The following SBF2 variants were observed in gnomAD, a reference collection of about 807,000 sequenced individuals.
The protein encoded by SBF2 is myotubularin-related protein 13.
A neutral mutation model predicts 225.2 loss-of-function variants in SBF2; 112 were observed. The observed-to-expected ratio is 0.50, with a 90% CI of 0.43 to 0.58. SBF2 has a LOEUF of 0.58. Ranked by LOEUF, SBF2 falls within the 20% of genes least tolerant of loss-of-function variation. The probability of loss-of-function intolerance (pLI) is 0.00; values close to 1 mark genes in which losing one functional copy is unlikely to be tolerated. For synonymous variants in SBF2, 763 were observed against 773.3 expected (o/e 0.99, Z 0.22); for missense variants, 1,996 against 2,206.2 (o/e 0.90, Z 1.91).
chr11:10,130,623 C>A (rs1953996595), intron 2 of SBF2, among the ~76,000 whole-genome samples: 1 of 152,050 alleles, frequency 6.6e-6, no homozygotes, highest in African/African-American at 2.4e-5. Context: ...TAATCACCAT[C>A]ACAATCAATA....
chr11:10,110,707 A>G (rs1952797974), intron 2 of SBF2, among the ~76,000 whole-genome samples: 2 of 152,190 alleles, frequency 1.3e-5, no homozygotes, highest in Admixed American at 1.3e-4. Flanking sequence ...ACTAGAAAAA[A>G]ACAAAAATGG....
intron 13 of SBF2, among the ~76,000 whole-genome samples, chr11:9,982,144 T>C (rs1396283101): frequency 1.3e-5 from 2 of 152,236 alleles, no homozygotes; most frequent in African/African-American, 4.8e-5. Flanking sequence ...TGTGTTTCTG[T>C]GGTCACTTGT....
At chr11:10,114,563 A>G (rs77788232) in intron 2 of SBF2, among the ~76,000 whole-genome samples, 9,138 of 152,276 alleles carry the variant, frequency 0.06, 375 homozygotes, top group Middle Eastern at 0.11. Flanking sequence ...ATAAAATACT[A>G]TAGTAAGAAC....
At chr11:10,233,190 T>G (rs1958926079) in intron 1 of SBF2, among the ~76,000 whole-genome samples, 1 of 152,236 alleles carries the variant, frequency 6.6e-6, no homozygotes, top group Admixed American at 6.5e-5. Context: ...AAGTTTCATA[T>G]TTATATACAA....
Position 9,850,086 on chromosome 11 carries a change from C to T in SBF2, c.2743G>A (p.Glu915Lys), listed in dbSNP as rs540474401. The change falls in exon 22 of 40, where the codon GAA becomes AAA. Residue 915 changes from glutamate to lysine, a missense_variant. Physicochemically the swap from Glu to Lys is moderately conservative, Grantham distance 56. Coordinates refer to ENST00000256190, the MANE Select transcript of SBF2 (RefSeq NM_030962.4). ...TATGTGGTGAGGAACAAGGCTCCTT[C>T]TGCTGGCAGGAGCTGAGGGCCTCCA... ...LLGGPQLLPA[E>K]GALFLTTYRI... is the part of the protein sequence containing the mutation. 22 of 1,614,178 alleles carry T rather than the reference C, an allele frequency of 1.4e-5. No homozygotes were observed. The highest frequency in any genetic ancestry group is 4.5e-5 in the East Asian group (2 of 44,886).
intron 2 of SBF2, among the ~76,000 whole-genome samples, chr11:10,178,034 C>T (rs1478236123): frequency 1.4e-5 from 2 of 146,186 alleles, no homozygotes; most frequent in Non-Finnish European, 3.0e-5. Flanking sequence ...TCAGAAATAA[C>T]ACCACATATC....
intron 32 of SBF2, among the ~76,000 whole-genome samples, chr11:9,805,754 C>T (rs189362803): frequency 1.2e-4 from 18 of 152,292 alleles, no homozygotes; most frequent in Admixed American, 3.3e-4. Flanking sequence ...TCCCAAGTAG[C>T]TGGGACTACA....
rs115303036 is a variant in SBF2 at position 10,105,955 on chromosome 11, T to A, written c.142-62974A>T. ...GGAAATTATTAGAGTTGATGAATAA[T>A]TGCATTATCTTCAAAAGTGACTTCA... On this transcript the variant is annotated intron_variant, in intron 2 of 39. Coordinates refer to ENST00000256190, the MANE Select transcript of SBF2 (RefSeq NM_030962.4). 6.8e-3 allele frequency among the ~76,000 whole-genome samples: 1,032 copies of A among 152,320 alleles called. 10 individuals carry two copies. The highest frequency in any genetic ancestry group is 0.024 in the African/African-American group (978 of 41,572).
chr11:9,902,500 T>C (rs568809640), intron 16 of SBF2, among the ~76,000 whole-genome samples: 2 of 152,334 alleles, frequency 1.3e-5, no homozygotes, highest in South Asian at 4.1e-4. Flanking sequence ...CCCTAGAATA[T>C]ATAAAATTAA....
At chr11:9,887,490 C>A (rs1169087527) in intron 17 of SBF2, among the ~76,000 whole-genome samples, 1 of 151,856 alleles carries the variant, frequency 6.6e-6, no homozygotes, top group East Asian at 1.9e-4. Flanking sequence ...GTGGGAGAAG[C>A]CAGGAGAGGT....
intron 27 of SBF2, among the ~76,000 whole-genome samples, chr11:9,831,337 A>G (rs1244928969): frequency 6.6e-6 from 1 of 152,182 alleles, no homozygotes; most frequent in Non-Finnish European, 1.5e-5. Flanking sequence ...GTGGCTTGGG[A>G]GCACACAGTG....
At chr11:9,985,354 GCT>G (rs1947154564) in intron 13 of SBF2, among the ~76,000 whole-genome samples, 1 of 152,004 alleles carries the variant, frequency 6.6e-6, no homozygotes. Flanking sequence ...ATAGAGTCCT[GCT>G]CTGACATTCA....
chr11:10,207,753 C>G (rs1957795520), intron 1 of SBF2, among the ~76,000 whole-genome samples: 1 of 152,044 alleles, frequency 6.6e-6, no homozygotes, highest in African/African-American at 2.4e-5. Flanking sequence ...CTAGATCATA[C>G]AAGGGCAAGC....
At chr11:10,188,357 G>A (rs890737435) in intron 2 of SBF2, among the ~76,000 whole-genome samples, 5 of 151,976 alleles carry the variant, frequency 3.3e-5, no homozygotes, top group Non-Finnish European at 4.4e-5. Context: ...ACCATGTAAC[G>A]AAGTCCAGGC....
Position 9,808,119 on chromosome 11 carries a change from C to T in SBF2, c.4324G>A (p.Val1442Ile), listed in dbSNP as rs1853955441. 7 of 1,614,154 alleles carry T rather than the reference C, an allele frequency of 4.3e-6. No individual in the cohort carries two copies. Among genetic ancestry groups the T allele is most frequent in the East Asian group, 2.2e-5 (1 of 44,886 alleles). ...YRTLEGFQML[V>I]EKEWLSFGHK... Reference sequence around the variant, plus strand: ...CCAAAAGAGAGCCACTCTTTTTCAACCAACATCTGGAAGCCTTCAAGTGTC... The same window carrying T: ...CCAAAAGAGAGCCACTCTTTTTCAATCAACATCTGGAAGCCTTCAAGTGTC... Residue 1442 changes from valine (V) to isoleucine (I), a missense_variant, in exon 32 of 40, where the codon GTT (valine) becomes ATT (isoleucine). By Grantham distance (29) the Val-to-Ile change is conservative. Coordinates refer to ENST00000256190, the MANE Select transcript of SBF2 (RefSeq NM_030962.4).
chr11:10,101,927 G>C (rs1952325678), intron 2 of SBF2, among the ~76,000 whole-genome samples: 1 of 151,930 alleles, frequency 6.6e-6, no homozygotes, highest in Non-Finnish European at 1.5e-5. Flanking sequence ...AACTTTGCTA[G>C]GGGTCCCTGA....
At chr11:10,226,840 T>C (rs922056980) in intron 1 of SBF2, among the ~76,000 whole-genome samples, 5 of 152,216 alleles carry the variant, frequency 3.3e-5, no homozygotes, top group Admixed American at 2.0e-4. Context: ...TTTGGGTATA[T>C]ACCCAGTAAT....
chr11:9,880,062 C>A (rs560482542), intron 17 of SBF2, among the ~76,000 whole-genome samples: 3 of 110,954 alleles, frequency 2.7e-5, no homozygotes, highest in Non-Finnish European at 5.0e-5. Flanking sequence ...CCAGCCTGGA[C>A]AATGAGTGAG....
chr11:10,164,430 A>C (rs1379777330), intron 2 of SBF2, among the ~76,000 whole-genome samples: 5 of 152,220 alleles, frequency 3.3e-5, no homozygotes, highest in Non-Finnish European at 1.5e-5. Flanking sequence ...AAAGAAATCA[A>C]TCACATTTCC....
Sources: allele counts gnomAD v4.1 joint callset (sites outside exome capture counted in the v4.1 genomes callset), GRCh38; gene constraint gnomAD v4.1.1; transcripts MANE v1.5; gene names NCBI Gene and HGNC (gene_info 2026-07-23, HGNC 2026-07-21).